TACC2: variants seen among roughly 807,000 people sequenced by gnomAD.
TACC2 encodes transforming acidic coiled-coil containing protein 2.
In TACC2, 137 loss-of-function variants were observed where a neutral mutation model predicts 227.3. That is an observed-to-expected ratio of 0.60 (90% confidence interval 0.52 to 0.69). The LOEUF is 0.69. Among genes scored for constraint, TACC2 ranks in the 30% least tolerant of loss-of-function variants. TACC2 has a pLI of 0.00. For synonymous variants in TACC2, 1,523 were observed against 1,487.5 expected (o/e 1.02, Z -0.55); for missense variants, 3,470 against 3,694.4 (o/e 0.94, Z 1.57).
intron 7 of TACC2, among the ~76,000 whole-genome samples, chr10:122,167,220 C>T (rs1465814579): frequency 6.6e-6 from 1 of 152,078 alleles, no homozygotes; most frequent in Non-Finnish European, 1.5e-5. Flanking sequence ...GCCCTTGGCT[C>T]TAAAAAACAA....
At chr10:122,090,513 C>T (rs1464888762) in intron 5 of TACC2, among the ~76,000 whole-genome samples, 4 of 139,806 alleles carry the variant, frequency 2.9e-5, no homozygotes, top group African/African-American at 5.3e-5. Flanking sequence ...CGCCACTGCA[C>T]TCCAGCCTGG....
intron 7 of TACC2, among the ~76,000 whole-genome samples, chr10:122,189,364 GT>G (rs1365865149): frequency 6.6e-6 from 1 of 152,188 alleles, no homozygotes; most frequent in Non-Finnish European, 1.5e-5. Flanking sequence ...GCTCAGTTTT[GT>G]TTCTGGAAGG....
chr10:122,240,655 C>T (rs1239002503), intron 18 of TACC2, among the ~76,000 whole-genome samples: 1 of 152,186 alleles, frequency 6.6e-6, no homozygotes, highest in Non-Finnish European at 1.5e-5. Context: ...CCCAGGCCTC[C>T]TGACCGGGGT....
At chr10:122,113,820 C>T (rs1038965441) in intron 5 of TACC2, among the ~76,000 whole-genome samples, 1 of 152,228 alleles carries the variant, frequency 6.6e-6, no homozygotes, top group African/African-American at 2.4e-5. Flanking sequence ...ACACGTGACC[C>T]GCCCGAGCGT....
intron 5 of TACC2, among the ~76,000 whole-genome samples, chr10:122,125,637 A>G (rs1376567908): frequency 2.0e-5 from 3 of 152,212 alleles, no homozygotes; most frequent in Non-Finnish European, 4.4e-5. Flanking sequence ...ACCCCAGGGC[A>G]CAGAGCATGG....
intron 5 of TACC2, among the ~76,000 whole-genome samples, chr10:122,122,087 G>A (rs6585790): frequency 0.67 from 101,610 of 152,102 alleles, 37,584 homozygotes; most frequent in South Asian, 0.82. Context: ...CAGGCGCGGT[G>A]GCTCACGCCT....
intron 22 of TACC2, among the ~76,000 whole-genome samples, chr10:122,250,143 C>T (rs969921422): frequency 5.9e-5 from 9 of 152,152 alleles, no homozygotes; most frequent in African/African-American, 1.7e-4. Context: ...TGAGCTTGTG[C>T]GCAGGTTTCC....
At chr10:122,128,319 G>A (rs1239563540) in intron 5 of TACC2, among the ~76,000 whole-genome samples, 5 of 152,316 alleles carry the variant, frequency 3.3e-5, no homozygotes, top group Non-Finnish European at 7.3e-5. Context: ...GCCGAGGACG[G>A]CTGAGTGTCA....
At chr10:122,128,921 ATAG>A (rs760487179) in intron 5 of TACC2, among the ~76,000 whole-genome samples, 213 of 152,112 alleles carry the variant, frequency 1.4e-3, no homozygotes, top group Admixed American at 2.8e-3. Flanking sequence ...ATGTCTATAC[ATAG>A]ACTGTATAGA....
At chr10:122,137,876 A>C (rs2089961598) in intron 6 of TACC2, among the ~76,000 whole-genome samples, 1 of 152,196 alleles carries the variant, frequency 6.6e-6, no homozygotes, top group Non-Finnish European at 1.5e-5. Flanking sequence ...ACAGCTCCTC[A>C]GGAAGGGAGA....
At chr10:122,029,833 T>G (rs908109948) in intron 2 of TACC2, among the ~76,000 whole-genome samples, 8 of 149,218 alleles carry the variant, frequency 5.4e-5, no homozygotes, top group African/African-American at 2.0e-4. Context: ...AACCCCTTCT[T>G]TGGGGTCTTA....
chr10:122,056,799 C>T (rs753808793), intron 3 of TACC2, among the ~76,000 whole-genome samples: 41 of 152,156 alleles, frequency 2.7e-4, no homozygotes, highest in Middle Eastern at 3.4e-3. Flanking sequence ...TGAGGAGTGG[C>T]GCCATGTTGA....
intron 5 of TACC2, among the ~76,000 whole-genome samples, chr10:122,107,308 G>T (rs138480272): frequency 1.3e-5 from 2 of 152,114 alleles, no homozygotes; most frequent in Non-Finnish European, 2.9e-5. Context: ...GCCGAGGCGC[G>T]TGGATCACTT....
intron 7 of TACC2, chr10:122,164,070 C>T (rs2092999641): frequency 6.6e-7 from 1 of 1,515,238 alleles, no homozygotes. Flanking sequence ...TGTCGCCTTT[C>T]CTAATGCCTG....
intron 3 of TACC2, among the ~76,000 whole-genome samples, chr10:122,077,740 C>T (rs2078977574): frequency 6.6e-6 from 1 of 152,228 alleles, no homozygotes; most frequent in East Asian, 1.9e-4. Flanking sequence ...GCAGCCAGTA[C>T]AAGGCAACGG....
At chr10:122,131,907 A>C (rs1346298051) in intron 5 of TACC2, among the ~76,000 whole-genome samples, 1 of 152,062 alleles carries the variant, frequency 6.6e-6, no homozygotes, top group Non-Finnish European at 1.5e-5. Flanking sequence ...CTATAATTCC[A>C]GCCACTCGGG....
intron 19 of TACC2, chr10:122,247,698 T>A (rs1435065186): frequency 1.3e-5 from 2 of 152,152 alleles, no homozygotes; most frequent in African/African-American, 4.8e-5. Context: ...AGCTACACAT[T>A]GGGTACACAC....
chr10:122,025,493 C>A (rs965875249), intron 2 of TACC2, among the ~76,000 whole-genome samples: 1 of 152,014 alleles, frequency 6.6e-6, no homozygotes, highest in South Asian at 2.1e-4. Flanking sequence ...GAACTCCTGA[C>A]CTCGTGATCC....
At chr10:122,153,645 T>C (rs1422007581) in intron 7 of TACC2, among the ~76,000 whole-genome samples, 3 of 152,204 alleles carry the variant, frequency 2.0e-5, no homozygotes, top group African/African-American at 7.2e-5. Flanking sequence ...CAGCTAAACA[T>C]GTATTGAGCA....
Sources: allele counts gnomAD v4.1 joint callset (sites outside exome capture counted in the v4.1 genomes callset), GRCh38; gene constraint gnomAD v4.1.1; transcripts MANE v1.5; gene names NCBI Gene and HGNC (gene_info 2026-07-23, HGNC 2026-07-21).